CTIF: variants seen among roughly 807,000 people sequenced by gnomAD.
CTIF encodes the protein CBP80/20-dependent translation initiation factor.
In CTIF, 21 loss-of-function variants were observed where a neutral mutation model predicts 66.0. The ratio of observed to expected loss-of-function variants is 0.32; its 90% confidence interval spans 0.23 to 0.46. CTIF has a LOEUF of 0.46. Ranked by LOEUF, CTIF falls within the 20% of genes least tolerant of loss-of-function variation. CTIF has a pLI of 1.00. For missense variants in CTIF, 739 were observed against 812.7 expected (o/e 0.91, Z 1.10); for synonymous variants, 345 against 326.4 (o/e 1.06, Z -0.62).
At chr18:48,546,465 A>G (rs1039738232) in intron 1 of CTIF, among the ~76,000 whole-genome samples, 4 of 152,144 alleles carry the variant, frequency 2.6e-5, no homozygotes, top group African/African-American at 9.7e-5. Flanking sequence ...AGTGGAGTAA[A>G]AATCTTGAAA....
intron 2 of CTIF, among the ~76,000 whole-genome samples, chr18:48,622,254 G>A (rs2090508854): frequency 6.6e-6 from 1 of 152,130 alleles, no homozygotes; most frequent in Non-Finnish European, 1.5e-5. Flanking sequence ...AATCCTGGTA[G>A]CAAAGAGACT....
chr18:48,774,061 A>G (rs1910425928), intron 9 of CTIF, among the ~76,000 whole-genome samples: 1 of 152,114 alleles, frequency 6.6e-6, no homozygotes. Context: ...CCAGACAGCC[A>G]CCAAGAGGTC....
At chr18:48,782,593 A>T (rs1911332879) in intron 9 of CTIF, among the ~76,000 whole-genome samples, 1 of 152,106 alleles carries the variant, frequency 6.6e-6, no homozygotes, top group African/African-American at 2.4e-5. Flanking sequence ...CCTTCTCAGC[A>T]TTCGCTTTCC....
intron 2 of CTIF, among the ~76,000 whole-genome samples, chr18:48,629,713 T>A (rs1452304286): frequency 6.6e-6 from 1 of 152,202 alleles, no homozygotes; most frequent in African/African-American, 2.4e-5. Flanking sequence ...TCATTTTTCC[T>A]GGGTCTTTGA....
intron 1 of CTIF, among the ~76,000 whole-genome samples, chr18:48,547,461 C>T (rs1350469148): frequency 6.6e-6 from 1 of 152,212 alleles, no homozygotes; most frequent in Non-Finnish European, 1.5e-5. Flanking sequence ...TCTTAGAGGT[C>T]ATCTGGTCAA....
At chr18:48,607,640 T>G (rs1568069051) in intron 1 of CTIF, among the ~76,000 whole-genome samples, 1 of 152,178 alleles carries the variant, frequency 6.6e-6, no homozygotes, top group African/African-American at 2.4e-5. Context: ...AGCTCATAGT[T>G]TAGCTGGGGA....
chr18:48,665,926 C>T (rs2091428571), intron 5 of CTIF, among the ~76,000 whole-genome samples: 1 of 152,162 alleles, frequency 6.6e-6, no homozygotes, highest in Non-Finnish European at 1.5e-5. Flanking sequence ...AAAAATACTG[C>T]TGTATCTTTT....
At chr18:48,686,462 T>C (rs1374401471) in intron 6 of CTIF, among the ~76,000 whole-genome samples, 2 of 152,204 alleles carry the variant, frequency 1.3e-5, no homozygotes, top group Non-Finnish European at 2.9e-5. Context: ...TAAGGAGCCC[T>C]GGTACCTTTT....
chr18:48,779,816 C>T (rs1911043480), intron 9 of CTIF, among the ~76,000 whole-genome samples: 2 of 152,178 alleles, frequency 1.3e-5, no homozygotes, highest in Non-Finnish European at 2.9e-5. Context: ...TCCAACCCAC[C>T]ACCTTCATGA....
In CTIF at chr18:48,668,863, C is replaced by T. The variant is rs972579922; in HGVS notation, c.432-1806C>T. Reference sequence around the variant, plus strand: ...GCTCTACTGTGGGGGGTGATTATCCCGCCAGACACCGAGAGGGGCAGTTGT... The same window carrying T: ...GCTCTACTGTGGGGGGTGATTATCCTGCCAGACACCGAGAGGGGCAGTTGT... On this transcript the variant is annotated intron_variant, in intron 5 of 11. Coordinates refer to ENST00000256413, the MANE Select transcript of CTIF (RefSeq NM_014772.3). 9.9e-5 allele frequency among the ~76,000 whole-genome samples: 15 copies of T among 152,190 alleles called. No individual in the cohort carries two copies. The East Asian group carries it at 1.5e-3, about 16-fold the overall frequency.
intron 2 of CTIF, among the ~76,000 whole-genome samples, chr18:48,625,588 A>T (rs1568083355): frequency 6.6e-6 from 1 of 152,178 alleles, no homozygotes; most frequent in East Asian, 1.9e-4. Context: ...TTGAAGAAAT[A>T]CAATATTGTC....
chr18:48,834,360 C>A (rs1048929698), intron 10 of CTIF, among the ~76,000 whole-genome samples: 6 of 152,156 alleles, frequency 3.9e-5, no homozygotes, highest in South Asian at 2.1e-4. Context: ...ACAAAATATT[C>A]TTTGATTTTT....
chr18:48,860,083 G>A lies in CTIF; in HGVS notation c.*524G>A, dbSNP rs924299364. ...TGTCCGGGAGGACAAAGGCAGGCAC[G>A]GTCCCCACCAGCCGCCCGTAATTGA... On this transcript the variant is annotated 3_prime_UTR_variant, in exon 12 of 12. Coordinates refer to ENST00000256413, the MANE Select transcript of CTIF (RefSeq NM_014772.3). 1.1e-4 allele frequency: 41 copies of A among 387,258 alleles called. 1 individual carries two copies. Among genetic ancestry groups the A allele is most frequent in the South Asian group, 6.3e-4 (34 of 54,070 alleles). The allele number at this position is 387,258 out of a possible 1,614,324, so 24.0% of individuals were successfully genotyped here.
At position 48,843,350 on chromosome 18, in the gene CTIF, T is replaced by C. The variant is rs562762842; in HGVS notation, c.1528-14238T>C. Among the ~76,000 whole-genome samples, 10 of 152,222 alleles carry C rather than the reference T, an allele frequency of 6.6e-5. No homozygotes were observed. In the East Asian group the frequency reaches 1.7e-3, roughly 27 times the overall value. ...CGCTCCAGCAGGGAGCTGTGCCCAGTGTTCCCAGTGACCATAACTCCATCC... is the reference window on the plus strand; with the variant it reads ...CGCTCCAGCAGGGAGCTGTGCCCAGCGTTCCCAGTGACCATAACTCCATCC... On this transcript the variant is annotated intron_variant, in intron 10 of 11. Transcript: ENST00000256413.
At chr18:48,626,004 T>TTTC (rs2090588284) in intron 2 of CTIF, among the ~76,000 whole-genome samples, 1 of 138,876 alleles carries the variant, frequency 7.2e-6, no homozygotes, top group Non-Finnish European at 1.5e-5. Context: ...TTCTTTCTTT[T>TTTC]TTTTTTTTTT....
At chr18:48,779,719 C>T (rs900373019) in intron 9 of CTIF, among the ~76,000 whole-genome samples, 1 of 152,224 alleles carries the variant, frequency 6.6e-6, no homozygotes, top group African/African-American at 2.4e-5. Context: ...GAGTCTCCAC[C>T]AAGCTGCAGA....
intron 1 of CTIF, chr18:48,566,947 G>A (rs1414524281): frequency 6.6e-6 from 1 of 152,168 alleles, no homozygotes; most frequent in Non-Finnish European, 1.5e-5. Flanking sequence ...TGTGGATTTG[G>A]ATTTTCATTC....
intron 9 of CTIF, among the ~76,000 whole-genome samples, chr18:48,813,837 C>G (rs924659785): frequency 6.6e-6 from 1 of 152,230 alleles, no homozygotes. Flanking sequence ...TTAAAGGACA[C>G]AGCATTTCAC....
chr18:48,793,859 C>T (rs1380413817), intron 9 of CTIF, among the ~76,000 whole-genome samples: 1 of 152,210 alleles, frequency 6.6e-6, no homozygotes, highest in Non-Finnish European at 1.5e-5. Context: ...AGCCTGATTT[C>T]CAGGCAGCCA....
Sources: gnomAD v4.1 joint callset for allele counts (sites outside exome capture counted in the v4.1 genomes callset) on GRCh38, gnomAD v4.1.1 for gene constraint, MANE v1.5 for transcripts, NCBI Gene and HGNC (gene_info 2026-07-23, HGNC 2026-07-21) for gene names.